Variants in RFTN1 observed in about 807,000 individuals in gnomAD.
The protein encoded by RFTN1 is raftlin.
In RFTN1, 26 loss-of-function variants were observed where a neutral mutation model predicts 46.5. That is an observed-to-expected ratio of 0.56 (90% CI 0.41 to 0.78). The LOEUF (loss-of-function observed/expected upper bound fraction) is 0.78, where lower values mean the gene tolerates loss of function less well. Among genes scored for constraint, RFTN1 ranks in the 30% least tolerant of loss-of-function variants. RFTN1 has a pLI of 0.00. For missense variants in RFTN1, 693 were observed against 718.7 expected, an observed-to-expected ratio of 0.96 and a Z score of 0.41; for synonymous variants, 261 against 284.2, an observed-to-expected ratio of 0.92 and a Z score of 0.82.
intron 2 of RFTN1, among the ~76,000 whole-genome samples, chr3:16,485,787 G>A (rs1559370681): frequency 6.6e-6 from 1 of 152,230 alleles, no homozygotes; most frequent in African/African-American, 2.4e-5. Context: ...GTTCAATAAA[G>A]TTATTCAAAC....
intron 1 of RFTN1, among the ~76,000 whole-genome samples, chr3:16,495,902 T>TATGTGG (rs2076617770): frequency 6.6e-6 from 1 of 152,192 alleles, no homozygotes; most frequent in South Asian, 2.1e-4. Flanking sequence ...CAGTGCTGCT[T>TATGTGG]CAGTAGGGGG....
At position 16,473,410 on chromosome 3, in the gene RFTN1, T is replaced by C. The variant is rs1373584178; in HGVS notation, c.145+20315A>G. 4.0e-5 allele frequency among the ~76,000 whole-genome samples: 6 copies of C among 151,846 alleles called. No individual in the cohort carries two copies. The highest frequency in any genetic ancestry group is 1.9e-4 in the East Asian group (1 of 5,202). On this transcript the variant is annotated intron_variant, in intron 2 of 9. Transcript: ENST00000334133. The surrounding 1 kb of genome is among the most constrained non-coding windows in gnomAD (Gnocchi z 5.3). ...TGTTTTCTTTCTTTTTTCTTTTTTT[T>C]TTTTTCCTGAGATAGAGTCTGGCTC...
At chr3:16,326,361 T>C (rs2069689481) in intron 8 of RFTN1, among the ~76,000 whole-genome samples, 1 of 152,244 alleles carries the variant, frequency 6.6e-6, no homozygotes, top group African/African-American at 2.4e-5. Flanking sequence ...GCAAAATGGG[T>C]TTAATAATAA....
chr3:16,400,066 A>G lies in RFTN1; in HGVS notation c.441+9309T>C, dbSNP rs1011086875. Among the ~76,000 whole-genome samples, 4 of 152,186 alleles carry G rather than the reference A, an allele frequency of 2.6e-5. No homozygotes were observed. The highest frequency in any genetic ancestry group is 9.7e-5 in the African/African-American group (4 of 41,438). ...ATCTTTCCAAAGTATACATTTAGGA[A>G]TCATTCTCCAGCTGCTCCTGAAAGC... is the stretch of plus-strand genomic sequence containing the variant. On this transcript the variant is annotated intron_variant, in intron 4 of 9. Transcript: ENST00000334133. This position sits in a 1 kb window ranked among gnomAD's most constrained non-coding sequence, Gnocchi z 4.5.
In RFTN1 at chr3:16,425,330, T is replaced by C. The variant is rs2075268508; in HGVS notation, c.332+8521A>G. ...TGGTACTGAAGTATTCACCCAAGTT[T>C]TAAGATTAACAGGAAATTTCAAAGA... On this transcript the variant is annotated intron_variant, in intron 3 of 9. Coordinates refer to ENST00000334133, the MANE Select transcript of RFTN1 (RefSeq NM_015150.2). This position sits in a 1 kb window ranked among gnomAD's most constrained non-coding sequence, Gnocchi z 4.3. Among the ~76,000 whole-genome samples the C allele has an allele frequency of 3.9e-5, 6 of 152,216 alleles. No homozygotes were observed. The highest frequency in any genetic ancestry group is 3.9e-4 in the Admixed American group (6 of 15,290).
chr3:16,497,065 C>G (rs1422895409), intron 1 of RFTN1, among the ~76,000 whole-genome samples: 2 of 152,092 alleles, frequency 1.3e-5, no homozygotes, highest in Admixed American at 1.3e-4. Context: ...TGCCAGTTAC[C>G]CTTGGGAGAA....
chr3:16,390,180 G>T (rs1204010196), intron 4 of RFTN1, among the ~76,000 whole-genome samples: 3 of 152,208 alleles, frequency 2.0e-5, no homozygotes, highest in Non-Finnish European at 4.4e-5. Context: ...AATATGTTTT[G>T]GGGTGGTTTG....
At chr3:16,487,590 T>C (rs2076469848) in intron 2 of RFTN1, among the ~76,000 whole-genome samples, 1 of 152,260 alleles carries the variant, frequency 6.6e-6, no homozygotes, top group African/African-American at 2.4e-5. Context: ...ACCATGTGGC[T>C]GGTGGCTCCT....
At position 16,387,895 on chromosome 3, in the gene RFTN1, T is replaced by C. The variant is rs2074244907; in HGVS notation, c.442-9793A>G. ...TGCATTCCCCTCCTCCTGGAGATGC[T>C]CTTCCTTGGCCTCACCACCACCTTT... On this transcript the variant is annotated intron_variant, in intron 4 of 9. Coordinates refer to ENST00000334133, the MANE Select transcript of RFTN1 (RefSeq NM_015150.2). This position sits in a 1 kb window ranked among gnomAD's most constrained non-coding sequence, Gnocchi z 5.2. 6.6e-6 allele frequency among the ~76,000 whole-genome samples: 1 copy of C among 152,130 alleles called. No individual in the cohort carries two copies. The highest frequency in any genetic ancestry group is 6.6e-5 in the Admixed American group (1 of 15,264).
At chr3:16,477,105 G>A (rs1467521882) in intron 2 of RFTN1, among the ~76,000 whole-genome samples, 1 of 152,164 alleles carries the variant, frequency 6.6e-6, no homozygotes, top group Non-Finnish European at 1.5e-5. Flanking sequence ...TATTAATGGT[G>A]CCTCCATTAA....
Position 16,448,905 on chromosome 3 carries a change from T to G in RFTN1, c.146-14868A>C, listed in dbSNP as rs545884844. On this transcript the variant is annotated intron_variant, in intron 2 of 9. Coordinates refer to ENST00000334133, the MANE Select transcript of RFTN1 (RefSeq NM_015150.2). This position sits in a 1 kb window ranked among gnomAD's most constrained non-coding sequence, Gnocchi z 4.1. Reference sequence around the variant, plus strand: ...AGATTATTCATAGCAGAAATATCAATAGACAGTAGGCCCTCCAGTTGGTTG... The same window carrying G: ...AGATTATTCATAGCAGAAATATCAAGAGACAGTAGGCCCTCCAGTTGGTTG... Among the ~76,000 whole-genome samples, 4 of 152,294 alleles carry G rather than the reference T, an allele frequency of 2.6e-5. No individual in the cohort carries two copies. The South Asian group carries it at 8.3e-4, about 32-fold the overall frequency.
intron 1 of RFTN1, among the ~76,000 whole-genome samples, chr3:16,494,951 C>T (rs1478919656): frequency 6.6e-6 from 1 of 152,174 alleles, no homozygotes; most frequent in African/African-American, 2.4e-5. Context: ...TTACAAGGTA[C>T]CCAGCTTCCT....
chr3:16,427,946 C>G lies in RFTN1; in HGVS notation c.332+5905G>C, dbSNP rs537546935. Among the ~76,000 whole-genome samples the G allele has an allele frequency of 3.9e-5, 6 of 152,284 alleles. No homozygotes were observed. In the East Asian group the frequency reaches 1.2e-3, roughly 29 times the overall value. On this transcript the variant is annotated intron_variant, in intron 3 of 9. Transcript: ENST00000334133. This position sits in a 1 kb window ranked among gnomAD's most constrained non-coding sequence, Gnocchi z 5.4. Reference sequence around the variant, plus strand: ...AGAGCCTCCTCTTCTAAAGCACTCTCATTAACAAATTCCAGGTTAGAGATG... The same window carrying G: ...AGAGCCTCCTCTTCTAAAGCACTCTGATTAACAAATTCCAGGTTAGAGATG...
chr3:16,465,603 T>C lies in RFTN1; in HGVS notation c.145+28122A>G, dbSNP rs2076077227. Among the ~76,000 whole-genome samples, 1 of 152,248 alleles carries C rather than the reference T, an allele frequency of 6.6e-6. No homozygotes were observed. Among genetic ancestry groups the C allele is most frequent in the African/African-American group, 2.4e-5 (1 of 41,470 alleles). On this transcript the variant is annotated intron_variant, in intron 2 of 9. Coordinates refer to ENST00000334133, the MANE Select transcript of RFTN1 (RefSeq NM_015150.2). This position sits in a 1 kb window ranked among gnomAD's most constrained non-coding sequence, Gnocchi z 5.1. ...TAATTTGCTTCTTTTTAATAGTTTGTACAATCTGATGAGTGGTGCAATTTA... is the reference window on the plus strand; with the variant it reads ...TAATTTGCTTCTTTTTAATAGTTTGCACAATCTGATGAGTGGTGCAATTTA...
rs1192172714 is a variant in RFTN1, at chr3:16,387,697, A to G, written c.442-9595T>C. 6.6e-6 allele frequency among the ~76,000 whole-genome samples: 1 copy of G among 151,932 alleles called. No individual in the cohort carries two copies. Among genetic ancestry groups the G allele is most frequent in the Non-Finnish European group, 1.5e-5 (1 of 68,002 alleles). On this transcript the variant is annotated intron_variant, in intron 4 of 9. Transcript: ENST00000334133. This position sits in a 1 kb window ranked among gnomAD's most constrained non-coding sequence, Gnocchi z 5.2. The stretch of plus-strand genomic sequence containing the variant: ...AAGAGGAAAGAATCCAACCAACAAT[A>G]GAAGTAAGCAAGCCTCGTCCACCCA...
chr3:16,458,941 T>C lies in RFTN1; in HGVS notation c.146-24904A>G, dbSNP rs573913095. On this transcript the variant is annotated intron_variant, in intron 2 of 9. Coordinates refer to ENST00000334133, the MANE Select transcript of RFTN1 (RefSeq NM_015150.2). The surrounding 1 kb of genome is among the most constrained non-coding windows in gnomAD (Gnocchi z 5.1). ...CCCAGGGCTACTGGGTTTTCCTTTC[T>C]TTTCTTTTCCTTGAGACAGCGTCTC... Among the ~76,000 whole-genome samples, 19 of 152,288 alleles carry C rather than the reference T, an allele frequency of 1.2e-4. No individual in the cohort carries two copies. The South Asian group carries it at 3.7e-3, about 30-fold the overall frequency.
chr3:16,326,929 G>T, intron 7 of RFTN1, 53 bp from the exon 8 acceptor site: 1 of 1,370,824 alleles, frequency 7.3e-7, no homozygotes, highest in Non-Finnish European at 1.0e-6. Context: ...CCAACTCCCA[G>T]GCAATGAGAG....
At chr3:16,366,848 A>C (rs1297794442) in intron 6 of RFTN1, among the ~76,000 whole-genome samples, 2 of 152,140 alleles carry the variant, frequency 1.3e-5, no homozygotes, top group African/African-American at 4.8e-5. Flanking sequence ...CTGTGCCCTA[A>C]GCTTGCCAGA....
At position 16,383,055 on chromosome 3, in the gene RFTN1, G is replaced by A. The variant is rs115911199; in HGVS notation, c.442-4953C>T. On this transcript the variant is annotated intron_variant, in intron 4 of 9. Coordinates refer to ENST00000334133, the MANE Select transcript of RFTN1 (RefSeq NM_015150.2). The surrounding 1 kb of genome is among the most constrained non-coding windows in gnomAD (Gnocchi z 4.0). ...AGAACTTTCACATGCATTCCCTTAG[G>A]CCTCAAAATCATACCTTACAGAAGA... 0.013 allele frequency among the ~76,000 whole-genome samples: 1,998 copies of A among 152,218 alleles called. 49 individuals are homozygous for A. Among genetic ancestry groups the A allele is most frequent in the African/African-American group, 0.046 (1,901 of 41,526 alleles).
Sources: allele counts gnomAD v4.1 joint callset (sites outside exome capture counted in the v4.1 genomes callset), GRCh38; gene constraint gnomAD v4.1.1; non-coding constraint Gnocchi (gnomAD v3.1); transcripts MANE v1.5; gene names NCBI Gene and HGNC (gene_info 2026-07-23, HGNC 2026-07-21).